TRIM14: variants seen among roughly 807,000 people sequenced by gnomAD.
TRIM14 encodes tripartite motif containing 14.
In TRIM14, 28 loss-of-function variants were observed where a neutral mutation model predicts 44.5. That is an observed-to-expected ratio of 0.63 (90% CI 0.47 to 0.86). The LOEUF is 0.86. TRIM14 is among the 40% of genes least tolerant of loss of function. The pLI is 0.00. For synonymous variants in TRIM14, 299 were observed against 269.2 expected (o/e 1.11, Z -1.08); for missense variants, 607 against 611.1 (o/e 0.99, Z 0.07).
chr9:98,097,663 G>A (rs563388749), intron 3 of TRIM14, among the ~76,000 whole-genome samples: 3 of 152,134 alleles, frequency 2.0e-5, no homozygotes, highest in Non-Finnish European at 4.4e-5. Flanking sequence ...ACCTGGCTCA[G>A]TACATATTGA....
At chr9:98,108,543 A>G (rs1377850361) in intron 2 of TRIM14, among the ~76,000 whole-genome samples, 1 of 152,134 alleles carries the variant, frequency 6.6e-6, no homozygotes, top group African/African-American at 2.4e-5. Context: ...ATATCTGCTC[A>G]GGCATTTGCA....
the TRIM14 span, chr9:98,061,137 C>A: frequency 1.3e-6 from 1 of 751,376 alleles, no homozygotes; most frequent in Non-Finnish European, 2.2e-6. Flanking sequence ...TAGCAGGCGC[C>A]AAAGCCCAGT....
intron 6 of TRIM14, chr9:98,074,508 GAT>G (rs1829493397): frequency 6.6e-6 from 1 of 152,186 alleles, no homozygotes; most frequent in Admixed American, 6.5e-5. Flanking sequence ...GGATCTTCCA[GAT>G]TACTCAGATT....
rs1826784256 is a variant in TRIM14 at position 98,109,992 on chromosome 9, G to A, written c.208-8C>T. On this transcript the variant is annotated splice_polypyrimidine_tract_variant and splice_region_variant and intron_variant, in intron 1 of 5. Coordinates refer to ENST00000341469, the MANE Select transcript of TRIM14 (RefSeq NM_014788.4). ...ACATTCTTGGCTGAGTTTCTGTACA[G>A]GAGGGAGTTAGGAAAAAAGTCGTAA... The A allele has an allele frequency of 6.2e-7, 1 of 1,612,310 alleles. No individual in the cohort carries two copies. Among genetic ancestry groups the A allele is most frequent in the Non-Finnish European group, 8.5e-7 (1 of 1,178,466 alleles).
chr9:98,080,302 AAG>A (rs995569406), downstream of TRIM14, among the ~76,000 whole-genome samples: 12 of 152,216 alleles, frequency 7.9e-5, no homozygotes, highest in Admixed American at 3.3e-4. Context: ...CCTCACCAAC[AAG>A]ACTCACCCAT....
exon 7 of TRIM14, chr9:98,069,443 T>G (rs1240971760): frequency 6.6e-6 from 1 of 152,266 alleles, no homozygotes; most frequent in East Asian, 1.9e-4. Context: ...CCGGCTAATT[T>G]TTGTATTTTT....
intron 1 of TRIM14, among the ~76,000 whole-genome samples, chr9:98,113,824 A>G (rs1826948777): frequency 6.6e-6 from 1 of 152,196 alleles, no homozygotes; most frequent in Non-Finnish European, 1.5e-5. Context: ...AATCTCCTCT[A>G]TCAGAGTGGT....
chr9:98,039,854 A>C, the TRIM14 span, among the ~76,000 whole-genome samples: 1 of 152,026 alleles, frequency 6.6e-6, no homozygotes, highest in Non-Finnish European at 1.5e-5. Flanking sequence ...TTTGAGTAAT[A>C]ATGAAACTCC....
At chr9:98,106,110 A>C (rs1281301073) in intron 2 of TRIM14, among the ~76,000 whole-genome samples, 1 of 152,202 alleles carries the variant, frequency 6.6e-6, no homozygotes, top group Non-Finnish European at 1.5e-5. Context: ...CACAATCCAC[A>C]GTGTATTGGA....
chr9:98,048,064 CAAAAA>C, the TRIM14 span, among the ~76,000 whole-genome samples: 42,600 of 107,392 alleles, frequency 0.4, 7,930 homozygotes, highest in African/African-American at 0.58. Context: ...GACTCCTTCT[CAAAAA>C]AAAAAAAAAA....
chr9:98,041,098 A>G, the TRIM14 span, among the ~76,000 whole-genome samples: 1 of 151,940 alleles, frequency 6.6e-6, no homozygotes, highest in South Asian at 2.1e-4. Flanking sequence ...CAGTATTCTC[A>G]TCTACAGTTT....
chr9:98,040,182 A>G, the TRIM14 span, among the ~76,000 whole-genome samples: 1 of 152,048 alleles, frequency 6.6e-6, no homozygotes, highest in East Asian at 1.9e-4. Flanking sequence ...TTGGTCTCCA[A>G]ACACGCACTT....
intron 2 of TRIM14, among the ~76,000 whole-genome samples, chr9:98,102,435 G>A (rs1468840281): frequency 6.6e-6 from 1 of 152,130 alleles, no homozygotes; most frequent in Non-Finnish European, 1.5e-5. Flanking sequence ...TTCAATATGG[G>A]ATATGTATAT....
the TRIM14 span, among the ~76,000 whole-genome samples, chr9:98,063,047 CTG>C: frequency 6.7e-6 from 1 of 149,534 alleles, no homozygotes; most frequent in Non-Finnish European, 1.5e-5. Context: ...AGCGATTCTC[CTG>C]TCTCAGTCTC....
chr9:98,113,835 T>G (rs1826949566), intron 1 of TRIM14, among the ~76,000 whole-genome samples: 2 of 151,714 alleles, frequency 1.3e-5, no homozygotes, highest in Admixed American at 1.3e-4. Flanking sequence ...TCAGAGTGGT[T>G]TTTGCTTTTT....
In TRIM14 at chr9:98,119,168, C is replaced by G. The variant is rs1223688941; in HGVS notation, c.21G>C (p.Gly7=). Residue 7 remains glycine, a synonymous_variant, in exon 1 of 6, where the codon GGG becomes GGC. Coordinates refer to ENST00000341469, the MANE Select transcript of TRIM14 (RefSeq NM_014788.4). MAGAAT[G]SRTPGRSELV... ...GCTCCGACCTCCCAGGGGTCCGGCTCCCGGTCGCCGCGCCCGCCATTCATC... is the reference window on the plus strand; with the variant it reads ...GCTCCGACCTCCCAGGGGTCCGGCTGCCGGTCGCCGCGCCCGCCATTCATC... The G allele has an allele frequency of 1.3e-6, 2 of 1,578,290 alleles. No individual in the cohort carries two copies. Among genetic ancestry groups the G allele is most frequent in the Non-Finnish European group, 1.7e-6 (2 of 1,172,378 alleles).
At chr9:98,078,750 G>A (rs551055779) in intron 6 of TRIM14, among the ~76,000 whole-genome samples, 7 of 149,594 alleles carry the variant, frequency 4.7e-5, no homozygotes, top group Non-Finnish European at 8.9e-5. Flanking sequence ...CAGGAGAATC[G>A]CTTGAATTCA....
downstream of TRIM14, among the ~76,000 whole-genome samples, chr9:98,080,321 G>A (rs1428341724): frequency 2.0e-5 from 3 of 152,220 alleles, no homozygotes; most frequent in African/African-American, 7.2e-5. Flanking sequence ...CCATCTTAGA[G>A]TGTCTTTTGT....
At chr9:98,110,328 T>G in intron 1 of TRIM14, 1 of 311,300 alleles carries the variant, frequency 3.2e-6, no homozygotes, top group Non-Finnish European at 6.2e-6. Context: ...CATCTACTTA[T>G]GGAGTATTAA....
Sources: gnomAD v4.1 joint callset for allele counts (sites outside exome capture counted in the v4.1 genomes callset) on GRCh38, gnomAD v4.1.1 for gene constraint, MANE v1.5 for transcripts, NCBI Gene and HGNC (gene_info 2026-07-23, HGNC 2026-07-21) for gene names.